KRAS: variants seen among roughly 807,000 people sequenced by gnomAD.
The protein encoded by KRAS is GTPase KRas.
KRAS carries 1 observed loss-of-function variant against 21.0 expected under a neutral mutation model. The observed-to-expected ratio is 0.05, with a 90% CI of 0.02 to 0.23. The LOEUF is 0.23. KRAS is among the 10% of genes least tolerant of loss of function. The pLI is 1.00. For synonymous variants in KRAS, 67 were observed against 72.5 expected (o/e 0.92, Z 0.39); for missense variants, 107 against 221.8 (o/e 0.48, Z 3.29).
chr12:25,226,790 TTTA>T (rs771620767), intron 3 of KRAS, among the ~76,000 whole-genome samples: 25 of 152,314 alleles, frequency 1.6e-4, no homozygotes, highest in Non-Finnish European at 2.8e-4. Context: ...TTTCAAAACT[TTTA>T]TTTTTTAAAA....
At chr12:25,248,278 T>C (rs1039805596) in intron 1 of KRAS, among the ~76,000 whole-genome samples, 1 of 152,000 alleles carries the variant, frequency 6.6e-6, no homozygotes, top group African/African-American at 2.4e-5. Context: ...CTGGCCAACA[T>C]GGTGAAATCC....
Position 25,227,419 on chromosome 12 carries a change from A to G in KRAS, c.112-7T>C. The G allele has an allele frequency of 6.2e-7, 1 of 1,613,608 alleles. No homozygotes were observed. The highest frequency in any genetic ancestry group is 1.1e-5 in the South Asian group (1 of 91,058). On this transcript the variant is annotated splice_region_variant and splice_polypyrimidine_tract_variant and intron_variant, in intron 2 of 4. Transcript: ENST00000311936. ...CTTGCTTCCTGTAGGAATCCTGAGAAGGGAGAAACACAGTCTGGATTATTA... is the reference window on the plus strand; with the variant it reads ...CTTGCTTCCTGTAGGAATCCTGAGAGGGGAGAAACACAGTCTGGATTATTA...
chr12:25,224,691 G>T (rs1448629154), intron 4 of KRAS, among the ~76,000 whole-genome samples: 1 of 152,084 alleles, frequency 6.6e-6, no homozygotes, highest in Admixed American at 6.6e-5. Flanking sequence ...GTTAACAATT[G>T]CCTTATAGTC....
At chr12:25,240,576 G>A (rs59597743) in intron 2 of KRAS, among the ~76,000 whole-genome samples, 1,626 of 152,216 alleles carry the variant, frequency 0.011, 29 homozygotes, top group African/African-American at 0.037. Context: ...TCTGTTTTGC[G>A]CCTCAGTGTA....
At chr12:25,225,454 C>G (rs1951380382) in intron 4 of KRAS, 160 bp downstream of exon 4, 1 of 705,566 alleles carries the variant, frequency 1.4e-6, no homozygotes, top group Admixed American at 2.4e-5. Context: ...ACCATGGACA[C>G]TGGATTAAGA....
chr12:25,231,880 GATAAAT>G (rs888054125), intron 2 of KRAS, among the ~76,000 whole-genome samples: 8 of 152,198 alleles, frequency 5.3e-5, no homozygotes, highest in Non-Finnish European at 8.8e-5. Context: ...AAAAAGAATG[GATAAAT>G]ATAAAGAGAA....
chr12:25,208,875 A>G lies in KRAS; in HGVS notation c.*920T>C, dbSNP rs1357877640. On this transcript the variant is annotated 3_prime_UTR_variant, in exon 5 of 5. Transcript: ENST00000311936. ...TCTTTTAATGTCACAAGCAGAATTA[A>G]AACTATCTTCAAAGACTCAAGTTGA... 7 of 246,518 alleles carry G rather than the reference A, an allele frequency of 2.8e-5. No individual in the cohort carries two copies. The highest frequency in any genetic ancestry group is 5.5e-5 in the Non-Finnish European group (7 of 127,368). The allele number at this position is 246,518 out of a possible 1,614,324, so 15.3% of individuals were successfully genotyped here. A position where few individuals can be genotyped will look rare whatever the true frequency, so the allele number is the denominator to read the frequency against.
At chr12:25,242,860 C>T (rs1383610353) in intron 2 of KRAS, among the ~76,000 whole-genome samples, 2 of 152,122 alleles carry the variant, frequency 1.3e-5, no homozygotes, top group Non-Finnish European at 2.9e-5. Flanking sequence ...TTATTAGCTA[C>T]GTATCCTTAG....
intron 2 of KRAS, among the ~76,000 whole-genome samples, chr12:25,242,708 T>TAG (rs1284491842): frequency 6.6e-6 from 1 of 152,192 alleles, no homozygotes; most frequent in Non-Finnish European, 1.5e-5. Flanking sequence ...TTGGTATACT[T>TAG]ACAAATCTGA....
intron 2 of KRAS, among the ~76,000 whole-genome samples, chr12:25,232,558 T>C (rs965751678): frequency 7.9e-5 from 12 of 152,182 alleles, no homozygotes; most frequent in African/African-American, 2.9e-4. Context: ...AAGACAAGGA[T>C]GAAGGTGTTA....
intron 4 of KRAS, among the ~76,000 whole-genome samples, chr12:25,212,577 GTAA>G (rs1951209865): frequency 6.6e-6 from 1 of 151,610 alleles, no homozygotes; most frequent in African/African-American, 2.4e-5. Flanking sequence ...AAATAAATAA[GTAA>G]TAAAAAAAAA....
intron 1 of KRAS, among the ~76,000 whole-genome samples, chr12:25,246,259 A>G (rs61759632): frequency 0.051 from 7,773 of 152,222 alleles, 620 homozygotes; most frequent in African/African-American, 0.17. Flanking sequence ...CTGCACAAAA[A>G]AAGATAAAGA....
At position 25,207,094 on chromosome 12, in the gene KRAS, C is replaced by T. The variant is rs1369095187; in HGVS notation, c.*2701G>A. 4.7e-6 allele frequency: 1 copy of T among 213,062 alleles called. No homozygotes were observed. The highest frequency in any genetic ancestry group is 9.5e-6 in the Non-Finnish European group (1 of 105,434). 13.2% of individuals were successfully genotyped at this position (213,062 alleles called of 1,614,324 possible). ...AACTAAAATACGCATCGTGTTATCT[C>T]TGGGTCGTATACCAAAGGCCTTAGT... On this transcript the variant is annotated 3_prime_UTR_variant, in exon 5 of 5. Transcript: ENST00000311936.
intron 4 of KRAS, chr12:25,215,433 T>A (rs1951243001): frequency 1.2e-6 from 2 of 1,613,254 alleles, no homozygotes; most frequent in South Asian, 2.2e-5. Flanking sequence ...GAACTTAAAC[T>A]TACCAGATTA....
chr12:25,210,512 T>A (rs1303574327), intron 4 of KRAS: 9 of 152,114 alleles, frequency 5.9e-5, no homozygotes, highest in African/African-American at 2.2e-4. Flanking sequence ...AAGGGATTAG[T>A]TTCAATTCAT....
In KRAS at chr12:25,207,199, T is replaced by C. The variant is rs985277893; in HGVS notation, c.*2596A>G. ...TTGGGGATACCATATACCCAGTGCCTTGTGTGGTGACTGGCATCTGGTAGG... is the reference window on the plus strand; with the variant it reads ...TTGGGGATACCATATACCCAGTGCCCTGTGTGGTGACTGGCATCTGGTAGG... On this transcript the variant is annotated 3_prime_UTR_variant, in exon 5 of 5. Transcript: ENST00000311936. The C allele has an allele frequency of 4.7e-5, 10 of 212,102 alleles. No individual in the cohort carries two copies. Among genetic ancestry groups the C allele is most frequent in the African/African-American group, 9.1e-5 (4 of 44,154 alleles). 13.1% of individuals were successfully genotyped at this position (212,102 alleles called of 1,614,324 possible).
At chr12:25,215,886 G>A (rs1004134350) in intron 4 of KRAS, among the ~76,000 whole-genome samples, 2 of 152,106 alleles carry the variant, frequency 1.3e-5, no homozygotes, top group Non-Finnish European at 2.9e-5. Flanking sequence ...GCTAGTCCTG[G>A]AATTAAAGCC....
chr12:25,244,421 T>C (rs1351546667), intron 2 of KRAS, among the ~76,000 whole-genome samples: 1 of 152,160 alleles, frequency 6.6e-6, no homozygotes, highest in African/African-American at 2.4e-5. Flanking sequence ...CCAAATTACA[T>C]GTAAAATATG....
rs1486063839 is a variant in KRAS at position 25,208,761 on chromosome 12, T to C, written c.*1034A>G. 1 of 232,920 alleles carries C rather than the reference T, an allele frequency of 4.3e-6. No homozygotes were observed. Among genetic ancestry groups the C allele is most frequent in the Non-Finnish European group, 8.5e-6 (1 of 118,144 alleles). 14.4% of individuals were successfully genotyped at this position (232,920 alleles called of 1,614,324 possible). A position where few individuals can be genotyped will look rare whatever the true frequency, so the allele number is the denominator to read the frequency against. On this transcript the variant is annotated 3_prime_UTR_variant, in exon 5 of 5. Coordinates refer to ENST00000311936, the MANE Select transcript of KRAS (RefSeq NM_004985.5). Reference sequence around the variant, plus strand: ...GGGGACACAGTCCATGCTGTGAAACTCTCTATGAAAGCTCAAAGGTTCACA... The same window carrying C: ...GGGGACACAGTCCATGCTGTGAAACCCTCTATGAAAGCTCAAAGGTTCACA...
Sources: allele counts gnomAD v4.1 joint callset (sites outside exome capture counted in the v4.1 genomes callset), GRCh38; gene constraint gnomAD v4.1.1; transcripts MANE v1.5; gene names NCBI Gene and HGNC (gene_info 2026-07-23, HGNC 2026-07-21).